ITPR1: variants seen among roughly 807,000 people sequenced by gnomAD.
ITPR1 encodes the protein inositol 1,4,5-trisphosphate receptor type 1, also known as inositol 1,4,5-trisphosphate-gated calcium channel ITPR1.
In ITPR1, 96 loss-of-function variants were observed where a neutral mutation model predicts 318.4. The ratio of observed to expected loss-of-function variants is 0.30; its 90% CI spans 0.26 to 0.36. The LOEUF is 0.36. Among genes scored for constraint, ITPR1 ranks in the 10% least tolerant of loss-of-function variants. ITPR1 has a pLI of 1.00. For missense variants in ITPR1, 2,440 were observed against 3,460.2 expected, an observed-to-expected ratio of 0.71 and a Z score of 7.40; for synonymous variants, 1,312 against 1,289.9, an observed-to-expected ratio of 1.02 and a Z score of -0.37.
At chr3:4,657,365 C>G (rs2093733180) in intron 12 of ITPR1, among the ~76,000 whole-genome samples, 1 of 148,654 alleles carries the variant, frequency 6.7e-6, no homozygotes, top group Non-Finnish European at 1.5e-5. Flanking sequence ...CCCCTAGCTC[C>G]TGCGGATGGA....
At position 4,667,509 on chromosome 3, in the gene ITPR1, G is replaced by A. The variant is rs748642396; in HGVS notation, c.1846G>A (p.Asp616Asn). ...AAAACACATTACCGCGGCAGAGATT[G>A]ACACATTTGTCAGCCTGGTGCGAAA... ...LEKHITAAEI[D>N]TFVSLVRKNR... is the part of the protein sequence containing the mutation. Residue 616 changes from aspartate (D) to asparagine (N), a missense_variant, in exon 18 of 62, where the codon GAC (aspartate) becomes AAC (asparagine). Physicochemically the swap from Asp to Asn is conservative, Grantham distance 23. Coordinates refer to ENST00000649015, the MANE Select transcript of ITPR1 (RefSeq NM_001378452.1). 5.6e-6 allele frequency: 9 copies of A among 1,613,668 alleles called. No homozygotes were observed. Among genetic ancestry groups the A allele is most frequent in the South Asian group, 1.1e-5 (1 of 91,008 alleles).
chr3:4,497,579 A>T (rs1347914772), intron 2 of ITPR1, among the ~76,000 whole-genome samples: 8 of 152,232 alleles, frequency 5.3e-5, no homozygotes, highest in Non-Finnish European at 1.0e-4. Flanking sequence ...TAACAAGTGG[A>T]GAAATTAGAT....
chr3:4,523,578 A>T (rs1221346943), intron 4 of ITPR1, among the ~76,000 whole-genome samples: 2 of 152,074 alleles, frequency 1.3e-5, no homozygotes, highest in African/African-American at 4.8e-5. Context: ...CCAACCTCTC[A>T]ATCCTCCACC....
At chr3:4,504,693 T>G (rs1041482281) in intron 2 of ITPR1, among the ~76,000 whole-genome samples, 1 of 152,162 alleles carries the variant, frequency 6.6e-6, no homozygotes, top group African/African-American at 2.4e-5. Context: ...TCGCCAAGCA[T>G]CTTTGCTCAA....
At chr3:4,786,743 T>C (rs1050212685) in intron 51 of ITPR1, among the ~76,000 whole-genome samples, 2 of 152,172 alleles carry the variant, frequency 1.3e-5, no homozygotes, top group African/African-American at 4.8e-5. Context: ...TGGAGGAAAC[T>C]TGCAAGGTGT....
intron 4 of ITPR1, among the ~76,000 whole-genome samples, chr3:4,586,206 T>C (rs2089883889): frequency 6.6e-6 from 1 of 152,204 alleles, no homozygotes; most frequent in Non-Finnish European, 1.5e-5. Context: ...TTTGCTATTG[T>C]GAATAGTGCC....
chr3:4,774,404 T>C (rs974437469), intron 46 of ITPR1, among the ~76,000 whole-genome samples: 1 of 152,242 alleles, frequency 6.6e-6, no homozygotes, highest in Non-Finnish European at 1.5e-5. Flanking sequence ...TCAAAGATCA[T>C]GTCCATTTAA....
chr3:4,543,503 C>T (rs893434806), intron 4 of ITPR1, among the ~76,000 whole-genome samples: 4 of 152,216 alleles, frequency 2.6e-5, no homozygotes, highest in Non-Finnish European at 5.9e-5. Context: ...CAGGTATCCA[C>T]TGTGATGGTA....
intron 4 of ITPR1, among the ~76,000 whole-genome samples, chr3:4,581,727 A>G (rs1358861715): frequency 6.6e-6 from 1 of 152,178 alleles, no homozygotes; most frequent in Non-Finnish European, 1.5e-5. Flanking sequence ...TTATAACTAA[A>G]TAGTGTACGG....
chr3:4,650,883 G>C (rs944535494), intron 10 of ITPR1, among the ~76,000 whole-genome samples: 1 of 152,230 alleles, frequency 6.6e-6, no homozygotes, highest in South Asian at 2.1e-4. Context: ...ACTGAACATT[G>C]TAATACAAGT....
chr3:4,545,002 C>T (rs1490260972), intron 4 of ITPR1, among the ~76,000 whole-genome samples: 2 of 151,954 alleles, frequency 1.3e-5, no homozygotes, highest in African/African-American at 2.4e-5. Flanking sequence ...CCCTATGTTG[C>T]CCAAGCTGGT....
At chr3:4,556,704 T>G (rs2086167278) in intron 4 of ITPR1, among the ~76,000 whole-genome samples, 1 of 152,190 alleles carries the variant, frequency 6.6e-6, no homozygotes, top group South Asian at 2.1e-4. Flanking sequence ...ATTTATATAT[T>G]CATTCACTTA....
intron 4 of ITPR1, among the ~76,000 whole-genome samples, chr3:4,616,813 G>A (rs2092407636): frequency 6.6e-6 from 1 of 152,056 alleles, no homozygotes; most frequent in Non-Finnish European, 1.5e-5. Flanking sequence ...TGGATGCACG[G>A]GAAACTCCTA....
At chr3:4,513,901 C>T (rs370833553) in intron 2 of ITPR1, among the ~76,000 whole-genome samples, 15 of 152,118 alleles carry the variant, frequency 9.9e-5, no homozygotes, top group African/African-American at 3.6e-4. Flanking sequence ...GCCTGTCCAA[C>T]ATGGCAAAAC....
At chr3:4,831,212 G>C (rs889850366) in intron 60 of ITPR1, 1 of 358,024 alleles carries the variant, frequency 2.8e-6, no homozygotes, top group Non-Finnish European at 5.5e-6. Context: ...CAAGAGGTTG[G>C]TCAGTACCAC....
chr3:4,648,107 G>A (rs150356060), intron 10 of ITPR1, among the ~76,000 whole-genome samples: 220 of 152,038 alleles, frequency 1.4e-3, no homozygotes, highest in Middle Eastern at 6.8e-3. Context: ...AGCCGAGAGT[G>A]CACCATTGCA....
At chr3:4,667,836 C>T (rs1171807843) in intron 18 of ITPR1, among the ~76,000 whole-genome samples, 2 of 152,064 alleles carry the variant, frequency 1.3e-5, no homozygotes, top group African/African-American at 2.4e-5. Context: ...TGAGAATAAA[C>T]GCAGGTGACG....
At chr3:4,651,331 C>A (rs1295294710) in intron 10 of ITPR1, among the ~76,000 whole-genome samples, 1 of 152,132 alleles carries the variant, frequency 6.6e-6, no homozygotes, top group Non-Finnish European at 1.5e-5. Flanking sequence ...GTACCCCATC[C>A]CCACAAATTC....
rs2094355171 is a variant in ITPR1 at position 4,684,439 on chromosome 3, G to C, written c.3564+93G>C. On this transcript the variant is annotated intron_variant, in intron 29 of 61. Coordinates refer to ENST00000649015, the MANE Select transcript of ITPR1 (RefSeq NM_001378452.1). ...AGTCAAGTTGAAGGTACACACATTT[G>C]AGCTTTTTTCTTCATGTGGTTTAAC... 3 of 904,110 alleles carry C rather than the reference G, an allele frequency of 3.3e-6. No individual in the cohort carries two copies. In the African/African-American group the frequency reaches 5.0e-5, roughly 15 times the overall value. The allele number at this position is 904,110 out of a possible 1,614,324, so 56.0% of individuals were successfully genotyped here. A position where few individuals can be genotyped will look rare whatever the true frequency, so the allele number is the denominator to read the frequency against.
Sources: allele counts gnomAD v4.1 joint callset (sites outside exome capture counted in the v4.1 genomes callset), GRCh38; gene constraint gnomAD v4.1.1; transcripts MANE v1.5; gene names NCBI Gene and HGNC (gene_info 2026-07-23, HGNC 2026-07-21).